PPP6R1: variants seen among roughly 807,000 people sequenced by gnomAD.
The protein encoded by PPP6R1 is protein phosphatase 6 regulatory subunit 1.
Under a neutral mutation model 104.6 loss-of-function variants are expected in PPP6R1, and 39 were observed. That is an observed-to-expected ratio of 0.37 (90% CI 0.29 to 0.49). The LOEUF (loss-of-function observed/expected upper bound fraction) is 0.49, where lower values mean the gene tolerates loss of function less well. PPP6R1 is among the 20% of genes least tolerant of loss of function. The pLI, the probability that PPP6R1 is intolerant of heterozygous loss-of-function variation, is 0.98. For synonymous variants in PPP6R1, 549 were observed against 479.0 expected, an observed-to-expected ratio of 1.15 and a Z score of -1.91; for missense variants, 1,181 against 1,155.8, an observed-to-expected ratio of 1.02 and a Z score of -0.32.
intron 5 of PPP6R1, 96 bp from the exon 6 acceptor site, chr19:55,242,584 GA>G: frequency 8.6e-6 from 9 of 1,043,798 alleles, no homozygotes; most frequent in Non-Finnish European, 1.2e-5. Context: ...ACCATCCAGG[GA>G]AAAATGGTCA....
chr19:55,230,553 G>C (rs760926764), intron 23 of PPP6R1, 22 bp from the exon 24 acceptor site: 1 of 1,613,568 alleles, frequency 6.2e-7, no homozygotes, highest in Non-Finnish European at 8.5e-7. Context: ...GGGAGATGTC[G>C]TGTGAGGGTC....
chr19:55,254,565 C>T (rs2087578655), intron 1 of PPP6R1, among the ~76,000 whole-genome samples: 2 of 152,164 alleles, frequency 1.3e-5, no homozygotes, highest in South Asian at 4.1e-4. Context: ...GCCCATGCTT[C>T]ATCTGTCACC....
chr19:55,257,078 T>TAAAAAAAAAA (rs35336959), intron 1 of PPP6R1, among the ~76,000 whole-genome samples: 1 of 94,278 alleles, frequency 1.1e-5, no homozygotes, highest in Non-Finnish European at 2.2e-5. Context: ...GAACTAGAGT[T>TAAAAAAAAAA]AAAAAAAAAA....
chr19:55,236,799 A>G lies in PPP6R1; in HGVS notation c.1832T>C (p.Ile611Thr). ...DENPNANLLE[I>T]CYKDRIQQFD... ...CTGCTGGATGCGGTCCTTGTAGCATATCTCAAGTAGGTTGGCGTTGGGCTG... is the reference window on the plus strand; with the variant it reads ...CTGCTGGATGCGGTCCTTGTAGCATGTCTCAAGTAGGTTGGCGTTGGGCTG... The change falls in exon 17 of 24, where the codon ATA (isoleucine) becomes ACA (threonine). Residue 611 changes from isoleucine to threonine, a missense_variant. By Grantham distance (89) the Ile-to-Thr change is moderately conservative. Coordinates refer to ENST00000412770, the MANE Select transcript of PPP6R1 (RefSeq NM_014931.4). The G allele has an allele frequency of 6.2e-7, 1 of 1,613,862 alleles. No individual in the cohort carries two copies. The highest frequency in any genetic ancestry group is 1.1e-5 in the South Asian group (1 of 91,074).
In PPP6R1 at chr19:55,236,894, G is replaced by C; in HGVS notation, c.1809+19C>G. On this transcript the variant is annotated intron_variant, in intron 16 of 23. Coordinates refer to ENST00000412770, the MANE Select transcript of PPP6R1 (RefSeq NM_014931.4). ...ACACCCCTCCACCCGCCACAACCAG[G>C]GGACAGGGCAGTACTCACGTTCTCA... 2.5e-6 allele frequency: 4 copies of C among 1,612,794 alleles called. No homozygotes were observed. Among genetic ancestry groups the C allele is most frequent in the Non-Finnish European group, 2.5e-6 (3 of 1,178,762 alleles).
chr19:55,241,471 C>A lies in PPP6R1; in HGVS notation c.1008+6G>T. ...CTCCCCGAGGACCAGAACCCACACC[C>A]CTGACCTTGGGAGGCTCCAGCAGGA... On this transcript the variant is annotated splice_donor_region_variant and intron_variant, in intron 8 of 23. Coordinates refer to ENST00000412770, the MANE Select transcript of PPP6R1 (RefSeq NM_014931.4). The surrounding 1 kb of genome is among the most constrained non-coding windows in gnomAD (Gnocchi z 5.4). 1 of 1,603,908 alleles carries A rather than the reference C, an allele frequency of 6.2e-7. No homozygotes were observed. The highest frequency in any genetic ancestry group is 2.2e-5 in the East Asian group (1 of 44,536).
intron 1 of PPP6R1, among the ~76,000 whole-genome samples, chr19:55,253,756 G>A (rs1018782690): frequency 6.6e-6 from 1 of 152,160 alleles, no homozygotes; most frequent in African/African-American, 2.4e-5. Context: ...AATGCACTAT[G>A]GCCTGAAGCC....
In PPP6R1 at chr19:55,231,451, G is replaced by A. The variant is rs191850446; in HGVS notation, c.2418C>T (p.Ala806=). 5.2e-4 allele frequency: 832 copies of A among 1,608,006 alleles called. 4 individuals are homozygous for A. In the African/African-American group the frequency reaches 9.2e-3, roughly 18 times the overall value. Residue 806 remains alanine, a synonymous_variant, in exon 21 of 24, where the codon GCC becomes GCT. Coordinates refer to ENST00000412770, the MANE Select transcript of PPP6R1 (RefSeq NM_014931.4). ...QALVSIGDLQ[A]TFHGIRSAPS... is the part of the protein sequence containing the mutation. ...GGGCAGAACGGATCCCGTGGAAGGT[G>A]GCCTGAAGGTCCCCGATGCTAACCA...
chr19:55,239,994 CT>C lies in PPP6R1; in HGVS notation c.1477+4del. 1 of 1,606,202 alleles carries C rather than the reference CT, an allele frequency of 6.2e-7. No homozygotes were observed. On this transcript the variant is annotated splice_donor_region_variant and intron_variant, in intron 12 of 23. Coordinates refer to ENST00000412770, the MANE Select transcript of PPP6R1 (RefSeq NM_014931.4). ...TAGCCCTCAGGCCGGCCTGGGGACC[CT>C]CACCCTTCAGCAGCTGCCGCAGCTG...
At chr19:55,233,599 C>T (rs978980437) in intron 17 of PPP6R1, among the ~76,000 whole-genome samples, 2 of 152,172 alleles carry the variant, frequency 1.3e-5, no homozygotes, top group Non-Finnish European at 2.9e-5. Flanking sequence ...AGCAAGGTTG[C>T]AGGATGAAAG....
intron 19 of PPP6R1, 33 bp downstream of exon 19, chr19:55,231,769 A>G (rs757567349): frequency 1.3e-6 from 2 of 1,492,322 alleles, no homozygotes; most frequent in Non-Finnish European, 1.8e-6. Context: ...TCGGGATACC[A>G]GCACCATTTA....
Position 55,258,974 on chromosome 19 carries a change from C to T in PPP6R1, c.-546G>A, listed in dbSNP as rs1241024561. On this transcript the variant is annotated 5_prime_UTR_variant, in exon 1 of 24. Transcript: ENST00000412770. ...AATCTCCGGGCTCTGCGGCCGGCCTCAGGGCCTCCGACGCCCGGCTCCCTC... is the reference window on the plus strand; with the variant it reads ...AATCTCCGGGCTCTGCGGCCGGCCTTAGGGCCTCCGACGCCCGGCTCCCTC... 6.6e-6 allele frequency: 1 copy of T among 152,258 alleles called. No homozygotes were observed. Among genetic ancestry groups the T allele is most frequent in the African/African-American group, 2.4e-5 (1 of 41,468 alleles). 9.4% of individuals were successfully genotyped at this position (152,258 alleles called of 1,614,324 possible). A position where few individuals can be genotyped will look rare whatever the true frequency, so the allele number is the denominator to read the frequency against.
intron 21 of PPP6R1, 62 bp downstream of exon 21, chr19:55,231,348 C>T (rs773465426): frequency 2.1e-5 from 31 of 1,500,740 alleles, no homozygotes; most frequent in South Asian, 3.6e-5. Flanking sequence ...ACCCAGAGCC[C>T]ACCTCAGCGA....
intron 1 of PPP6R1, among the ~76,000 whole-genome samples, chr19:55,253,243 TG>T (rs1316118161): frequency 6.6e-6 from 1 of 152,220 alleles, no homozygotes; most frequent in Admixed American, 6.5e-5. Context: ...GAGTCTCATG[TG>T]GAAGAGGGGC....
In PPP6R1 at chr19:55,242,357, G is replaced by A; in HGVS notation, c.731+19C>T. 6.2e-7 allele frequency: 1 copy of A among 1,612,200 alleles called. No individual in the cohort carries two copies. Among genetic ancestry groups the A allele is most frequent in the Non-Finnish European group, 8.5e-7 (1 of 1,178,274 alleles). On this transcript the variant is annotated intron_variant, in intron 6 of 23. Coordinates refer to ENST00000412770, the MANE Select transcript of PPP6R1 (RefSeq NM_014931.4). Reference sequence around the variant, plus strand: ...CCCAAGTCAGCTCCCCCCAGCCTTAGCCTTGCCCGCACACCCACTTCTCCA... The same window carrying A: ...CCCAAGTCAGCTCCCCCCAGCCTTAACCTTGCCCGCACACCCACTTCTCCA...
At chr19:55,234,688 C>T (rs2087380168) in intron 17 of PPP6R1, among the ~76,000 whole-genome samples, 1 of 152,044 alleles carries the variant, frequency 6.6e-6, no homozygotes, top group South Asian at 2.1e-4. Flanking sequence ...CAACAGGAAC[C>T]TGCCCAAAGG....
intron 17 of PPP6R1, among the ~76,000 whole-genome samples, chr19:55,235,020 C>T (rs1239701551): frequency 6.6e-6 from 1 of 152,128 alleles, no homozygotes; most frequent in Admixed American, 6.6e-5. Context: ...GCCACACACT[C>T]AGGATCTGTA....
In PPP6R1 at chr19:55,245,714, C is replaced by A; in HGVS notation, c.228-36G>T. The A allele has an allele frequency of 9.8e-7, 1 of 1,022,614 alleles. No individual in the cohort carries two copies. The highest frequency in any genetic ancestry group is 1.3e-5 in the South Asian group (1 of 78,254). 63.3% of individuals were successfully genotyped at this position (1,022,614 alleles called of 1,614,324 possible). ...AGCACAGGCGGGTGGGGGCTCGGGT[C>A]GGAGGCCGGGGGCAGGGGGCGGCAA... is the stretch of plus-strand genomic sequence containing the variant. On this transcript the variant is annotated intron_variant, in intron 2 of 23. Coordinates refer to ENST00000412770, the MANE Select transcript of PPP6R1 (RefSeq NM_014931.4). This position sits in a 1 kb window ranked among gnomAD's most constrained non-coding sequence, Gnocchi z 6.4.
chr19:55,248,644 TCTC>T (rs1485978592), intron 1 of PPP6R1, among the ~76,000 whole-genome samples: 2 of 151,960 alleles, frequency 1.3e-5, no homozygotes, highest in Non-Finnish European at 2.9e-5. Context: ...GCCTCCACCA[TCTC>T]CTCGAGCCCT....
Sources: allele counts gnomAD v4.1 joint callset (sites outside exome capture counted in the v4.1 genomes callset), GRCh38; gene constraint gnomAD v4.1.1; non-coding constraint Gnocchi (gnomAD v3.1); transcripts MANE v1.5; gene names NCBI Gene and HGNC (gene_info 2026-07-23, HGNC 2026-07-21).